The following ROS1 variants were observed in gnomAD, a reference collection of about 807,000 sequenced individuals.
The protein encoded by ROS1 is proto-oncogene tyrosine-protein kinase ROS.
ROS1 carries 263 observed loss-of-function variants against 273.5 expected under a neutral mutation model. The observed-to-expected ratio is 0.96, with a 90% CI of 0.87 to 1.06. ROS1 has a LOEUF of 1.06. Among genes scored for constraint, ROS1 ranks in the 50% least tolerant of loss-of-function variants. The probability of loss-of-function intolerance (pLI) is 0.00; values close to 1 mark genes in which losing one functional copy is unlikely to be tolerated. For missense variants in ROS1, 2,833 were observed against 2,751.1 expected, an observed-to-expected ratio of 1.03 and a Z score of -0.67; for synonymous variants, 1,008 against 954.1, an observed-to-expected ratio of 1.06 and a Z score of -1.04.
At chr6:117,365,521 G>T in intron 20 of ROS1, 60 bp downstream of exon 20, 1 of 1,425,840 alleles carries the variant, frequency 7.0e-7, no homozygotes, top group Non-Finnish European at 9.9e-7. Context: ...GTGTGGGCAA[G>T]GCTGACACAG....
intron 4 of ROS1, among the ~76,000 whole-genome samples, chr6:117,412,666 C>T (rs1775017710): frequency 6.6e-6 from 1 of 151,936 alleles, no homozygotes; most frequent in African/African-American, 2.4e-5. Flanking sequence ...TTCAGTTCTA[C>T]TTTATTTAAA....
chr6:117,404,579 TCA>T (rs1774245281), intron 5 of ROS1, 151 bp from the exon 6 acceptor site: 4 of 626,320 alleles, frequency 6.4e-6, no homozygotes, highest in Non-Finnish European at 1.1e-5. Context: ...GTATGCATAT[TCA>T]GTTTATTTTA....
At position 117,393,323 on chromosome 6, in the gene ROS1, T is replaced by TA. The variant is rs770718261; in HGVS notation, c.1192-3dup. The TA allele has an allele frequency of 1.9e-6, 3 of 1,540,248 alleles. No homozygotes were observed. Among genetic ancestry groups the TA allele is most frequent in the Non-Finnish European group, 1.8e-6 (2 of 1,115,584 alleles). On this transcript the variant is annotated splice_region_variant and splice_polypyrimidine_tract_variant and intron_variant, in intron 11 of 43. Coordinates refer to ENST00000368507, the MANE Select transcript of ROS1 (RefSeq NM_001378902.1). ...GTTCTCTAAATCACAGACACATACC[T>TA]AAAAAAATAAAAAATATACCGGTAG...
At chr6:117,311,240 G>C (rs1775523593) in intron 39 of ROS1, 123 bp from the exon 40 acceptor site, 1 of 462,516 alleles carries the variant, frequency 2.2e-6, no homozygotes, top group Non-Finnish European at 3.8e-6. Context: ...ATGTTTTAAA[G>C]GGATTTTTAG....
At chr6:117,330,744 CTA>C (rs1245603596) in intron 32 of ROS1, among the ~76,000 whole-genome samples, 1 of 152,062 alleles carries the variant, frequency 6.6e-6, no homozygotes, top group Non-Finnish European at 1.5e-5. Flanking sequence ...AGGGAAGTGA[CTA>C]TTGAAAGAAA....
At chr6:117,348,976 G>C (rs1778595190) in intron 27 of ROS1, among the ~76,000 whole-genome samples, 1 of 151,824 alleles carries the variant, frequency 6.6e-6, no homozygotes, top group Admixed American at 6.6e-5. Flanking sequence ...TTTTAAATTT[G>C]TTGAAGTGTA....
chr6:117,292,006 G>C (rs540099289), intron 43 of ROS1, among the ~76,000 whole-genome samples: 1 of 149,178 alleles, frequency 6.7e-6, no homozygotes, highest in East Asian at 2.0e-4. Context: ...GTCTCACTCT[G>C]TCGCCCAGGC....
At chr6:117,354,571 G>A (rs536346642) in intron 26 of ROS1, among the ~76,000 whole-genome samples, 1 of 152,058 alleles carries the variant, frequency 6.6e-6, no homozygotes, top group South Asian at 2.1e-4. Context: ...GAAGTAGCAG[G>A]GTTTTTTAAA....
intron 1 of ROS1, among the ~76,000 whole-genome samples, chr6:117,422,234 C>T (rs1221915107): frequency 6.6e-6 from 1 of 152,150 alleles, no homozygotes; most frequent in East Asian, 1.9e-4. Flanking sequence ...TGGTCTCAAA[C>T]TCCTGGGCTG....
chr6:117,374,627 G>A (rs1781164102), intron 18 of ROS1, among the ~76,000 whole-genome samples: 1 of 152,160 alleles, frequency 6.6e-6, no homozygotes, highest in Admixed American at 6.5e-5. Flanking sequence ...TAAATAGATG[G>A]AATTTAATTA....
At chr6:117,398,226 A>T (rs1773653546) in intron 7 of ROS1, among the ~76,000 whole-genome samples, 1 of 152,122 alleles carries the variant, frequency 6.6e-6, no homozygotes, top group East Asian at 1.9e-4. Flanking sequence ...AGCAAGTTAA[A>T]TGTCACCTAC....
intron 1 of ROS1, among the ~76,000 whole-genome samples, chr6:117,425,032 C>T (rs2128752799): frequency 6.6e-6 from 1 of 152,230 alleles, no homozygotes; most frequent in South Asian, 2.1e-4. Context: ...AACTCACTAA[C>T]TAAAATAATA....
At chr6:117,289,693 G>T (rs1773691465) in intron 43 of ROS1, among the ~76,000 whole-genome samples, 1 of 152,104 alleles carries the variant, frequency 6.6e-6, no homozygotes, top group Non-Finnish European at 1.5e-5. Context: ...CCTCTTCATT[G>T]TTCAAACATC....
At chr6:117,424,893 T>C (rs1211413438) in intron 1 of ROS1, among the ~76,000 whole-genome samples, 1 of 152,180 alleles carries the variant, frequency 6.6e-6, no homozygotes, top group Non-Finnish European at 1.5e-5. Context: ...TATAGAGTAC[T>C]TGGTTTTTAA....
rs148104006 is a variant in ROS1 at position 117,301,078 on chromosome 6, C to A, written c.6611G>T (p.Arg2204Ile). 6.2e-7 allele frequency: 1 copy of A among 1,604,250 alleles called. No homozygotes were observed. The highest frequency in any genetic ancestry group is 8.5e-7 in the Non-Finnish European group (1 of 1,176,012). ...GAATAACTGAAGTTGGTCCTGAATTCTATGAAAAGTAGGTCTTTGGTCGGG... is the reference window on the plus strand; with the variant it reads ...GAATAACTGAAGTTGGTCCTGAATTATATGAAAAGTAGGTCTTTGGTCGGG... ...QEPDQRPTFHRIQDQLQLFRN... is the reference protein window; with the variant it reads ...QEPDQRPTFHIIQDQLQLFRN... Residue 2204 changes from arginine to isoleucine, a missense_variant, in exon 43 of 44, where the codon AGA becomes ATA. By Grantham distance (97) the Arg-to-Ile change is moderately conservative (BLOSUM62 -3). Coordinates refer to ENST00000368507, the MANE Select transcript of ROS1 (RefSeq NM_001378902.1).
chr6:117,394,590 G>T, intron 10 of ROS1, 26 bp downstream of exon 10: 1 of 1,495,774 alleles, frequency 6.7e-7, no homozygotes, highest in South Asian at 1.5e-5. Flanking sequence ...TCACACTAAG[G>T]AATCATTTAT....
Position 117,389,405 on chromosome 6 carries a change from A to C in ROS1, c.1731T>G (p.Phe577Leu). The change falls in exon 13 of 44, where the codon TTT becomes TTG. Residue 577 changes from phenylalanine (F) to leucine (L), a missense_variant. Transcript: ENST00000368507. ...ATTGAACAAGAGCCTGGTGAGAGCC[A>C]AACAGCACCGAAAGCTCCTGCGGGC... ...PGRPQELSVL[F>L]GSHQALVQWK... 2.5e-6 allele frequency: 4 copies of C among 1,614,208 alleles called. No homozygotes were observed. Among genetic ancestry groups the C allele is most frequent in the Non-Finnish European group, 3.4e-6 (4 of 1,180,030 alleles).
intron 17 of ROS1, among the ~76,000 whole-genome samples, chr6:117,381,665 G>C (rs1450859618): frequency 1.3e-5 from 2 of 151,984 alleles, no homozygotes; most frequent in East Asian, 3.9e-4. Context: ...ACTTAGGTTG[G>C]TTCCCTATCT....
chr6:117,350,479 CCTT>C (rs1238604498), intron 27 of ROS1, among the ~76,000 whole-genome samples: 3 of 151,492 alleles, frequency 2.0e-5, no homozygotes, highest in Non-Finnish European at 4.4e-5. Context: ...TGGCATTTAT[CCTT>C]CTTGGTATTC....
Sources: allele counts gnomAD v4.1 joint callset (sites outside exome capture counted in the v4.1 genomes callset), GRCh38; gene constraint gnomAD v4.1.1; transcripts MANE v1.5; gene names NCBI Gene and HGNC (gene_info 2026-07-23, HGNC 2026-07-21).